Variants in C1orf21 observed in about 807,000 individuals in gnomAD.
The protein encoded by C1orf21 is chromosome 1 open reading frame 21.
Under a neutral mutation model 18.7 loss-of-function variants are expected in C1orf21, and 3 were observed. The observed-to-expected ratio is 0.16, with a 90% confidence interval of 0.07 to 0.42. The LOEUF is 0.42. Ranked by LOEUF, C1orf21 falls within the 10% of genes least tolerant of loss-of-function variation. The probability of loss-of-function intolerance (pLI) is 0.99; values close to 1 mark genes in which losing one functional copy is unlikely to be tolerated. For missense variants in C1orf21, 104 were observed against 143.6 expected (o/e 0.72, Z 1.41); for synonymous variants, 41 against 46.4 (o/e 0.88, Z 0.47).
rs1279351954 is a variant in C1orf21, at chr1:184,621,154, C to A, written c.*1598C>A. On this transcript the variant is annotated 3_prime_UTR_variant, in exon 6 of 6. Transcript: ENST00000235307. ...GATTTTAAAATCTATCCACATCCAA[C>A]TGATGGCACCATTGATGTGCAAATA... 2.0e-5 allele frequency: 3 copies of A among 152,452 alleles called. No homozygotes were observed. The highest frequency in any genetic ancestry group is 6.5e-5 in the Admixed American group (1 of 15,290). The allele number at this position is 152,452 out of a possible 1,614,324, so 9.4% of individuals were successfully genotyped here. A position where few individuals can be genotyped will look rare whatever the true frequency, so the allele number is the denominator to read the frequency against.
At position 184,590,719 on chromosome 1, in the gene C1orf21, T is replaced by C; in HGVS notation, c.190-20T>C. On this transcript the variant is annotated intron_variant, in intron 3 of 5. Transcript: ENST00000235307. ...GGATTCTAATCCTGTCTTTCACATG[T>C]CTGTGTTTATGTGTTTCAGGAAAAA... The C allele has an allele frequency of 6.3e-7, 1 of 1,594,366 alleles. No individual in the cohort carries two copies. Among genetic ancestry groups the C allele is most frequent in the Non-Finnish European group, 8.6e-7 (1 of 1,162,102 alleles).
At chr1:184,578,191 C>T (rs200485747) in intron 3 of C1orf21, among the ~76,000 whole-genome samples, 38 of 151,982 alleles carry the variant, frequency 2.5e-4, no homozygotes, top group African/African-American at 6.3e-4. Flanking sequence ...CTCCTGACCT[C>T]GTGATCCACC....
At chr1:184,451,709 G>C (rs1657126097) in intron 1 of C1orf21, among the ~76,000 whole-genome samples, 1 of 152,000 alleles carries the variant, frequency 6.6e-6, no homozygotes, top group Non-Finnish European at 1.5e-5. Context: ...ACTTAGGCAT[G>C]GTTGCCTGGA....
intron 4 of C1orf21, among the ~76,000 whole-genome samples, chr1:184,592,760 C>G (rs1343042368): frequency 6.6e-6 from 1 of 152,208 alleles, no homozygotes; most frequent in Non-Finnish European, 1.5e-5. Flanking sequence ...CTCATAATCA[C>G]TTTACCCTGG....
Position 184,477,483 on chromosome 1 carries a change from C to T in C1orf21, c.-27C>T, listed in dbSNP as rs367636937. On this transcript the variant is annotated 5_prime_UTR_variant, in exon 2 of 6. Transcript: ENST00000235307. The stretch of plus-strand genomic sequence containing the variant: ...TCTGTAGAGATGATTTGCAGTTCAG[C>T]CCGGCTGAAGCTGACCGAATGAGAC... 1 of 1,596,726 alleles carries T rather than the reference C, an allele frequency of 6.3e-7. No individual in the cohort carries two copies. Among genetic ancestry groups the T allele is most frequent in the African/African-American group, 1.3e-5 (1 of 74,276 alleles).
At chr1:184,469,547 C>G (rs146316943) in intron 1 of C1orf21, among the ~76,000 whole-genome samples, 194 of 152,252 alleles carry the variant, frequency 1.3e-3, no homozygotes, top group African/African-American at 4.6e-3. Flanking sequence ...TCTTTTTTGT[C>G]ATCTGGCACC....
intron 1 of C1orf21, among the ~76,000 whole-genome samples, chr1:184,395,860 C>A (rs899530349): frequency 7.2e-5 from 11 of 152,164 alleles, no homozygotes; most frequent in Non-Finnish European, 1.0e-4. Flanking sequence ...TTTGGACTGA[C>A]ACTTGAAAGC....
chr1:184,405,385 A>G (rs1238567176), intron 1 of C1orf21, among the ~76,000 whole-genome samples: 1 of 151,960 alleles, frequency 6.6e-6, no homozygotes, highest in East Asian at 1.9e-4. Flanking sequence ...TTGGAGAGAC[A>G]GGGTTTCACT....
chr1:184,473,581 G>A (rs1269083732), intron 1 of C1orf21, among the ~76,000 whole-genome samples: 1 of 152,190 alleles, frequency 6.6e-6, no homozygotes, highest in Non-Finnish European at 1.5e-5. Context: ...TGCTCAGTGT[G>A]AGGTCTCAGT....
intron 1 of C1orf21, among the ~76,000 whole-genome samples, chr1:184,393,641 T>A (rs1335152438): frequency 6.6e-6 from 1 of 152,250 alleles, no homozygotes; most frequent in Non-Finnish European, 1.5e-5. Context: ...TCTTAGCTAT[T>A]ACATTCTCCA....
At chr1:184,571,478 G>A (rs1345141036) in intron 3 of C1orf21, among the ~76,000 whole-genome samples, 2 of 152,146 alleles carry the variant, frequency 1.3e-5, no homozygotes, top group East Asian at 3.9e-4. Context: ...TGGTCAACTT[G>A]AATGACCGTT....
At chr1:184,419,123 G>A (rs1261280555) in intron 1 of C1orf21, among the ~76,000 whole-genome samples, 7 of 151,958 alleles carry the variant, frequency 4.6e-5, no homozygotes, top group Non-Finnish European at 1.0e-4. Context: ...AAACAGCCCC[G>A]GATCTACAGA....
intron 3 of C1orf21, among the ~76,000 whole-genome samples, chr1:184,520,263 C>A (rs530087846): frequency 1.3e-5 from 2 of 152,304 alleles, no homozygotes; most frequent in South Asian, 4.1e-4. Context: ...CATTTACTGG[C>A]AAACTTCTGC....
At chr1:184,563,152 T>C (rs1006559794) in intron 3 of C1orf21, among the ~76,000 whole-genome samples, 6 of 152,204 alleles carry the variant, frequency 3.9e-5, no homozygotes, top group Non-Finnish European at 8.8e-5. Flanking sequence ...GAGATTCTGT[T>C]AACTACTATG....
intron 5 of C1orf21, among the ~76,000 whole-genome samples, chr1:184,609,547 A>G (rs1659697818): frequency 6.6e-6 from 1 of 152,214 alleles, no homozygotes; most frequent in Non-Finnish European, 1.5e-5. Flanking sequence ...GAGGTGTGTG[A>G]GGCTCCAGTC....
At position 184,553,665 on chromosome 1, in the gene C1orf21, A is replaced by C. The variant is rs776585049; in HGVS notation, c.190-37074A>C. ...TCAGCATCATGTTCTGCTGAGACCC[A>C]AAGATCCAGGAGCAGCTTAGAGCTG... On this transcript the variant is annotated intron_variant, in intron 3 of 5. Transcript: ENST00000235307. Among the ~76,000 whole-genome samples, 7 of 152,210 alleles carry C rather than the reference A, an allele frequency of 4.6e-5. No homozygotes were observed. The South Asian group carries it at 8.3e-4, about 18-fold the overall frequency.
chr1:184,553,041 G>T (rs1222433799), intron 3 of C1orf21, among the ~76,000 whole-genome samples: 1 of 152,144 alleles, frequency 6.6e-6, no homozygotes, highest in Non-Finnish European at 1.5e-5. Context: ...ACTCCTGGTG[G>T]TCATAATAGG....
Position 184,444,358 on chromosome 1 carries a change from A to G in C1orf21, c.-124-33028A>G, listed in dbSNP as rs558785485. 5.3e-5 allele frequency among the ~76,000 whole-genome samples: 8 copies of G among 152,244 alleles called. No homozygotes were observed. In the East Asian group the frequency reaches 1.4e-3, roughly 26 times the overall value. On this transcript the variant is annotated intron_variant, in intron 1 of 5. Coordinates refer to ENST00000235307, the MANE Select transcript of C1orf21 (RefSeq NM_030806.4). ...GGGAGATAATTTGAATCATGGGGTC[A>G]GTTTCCACCGTACTGTTCTTGTGGT...
intron 1 of C1orf21, among the ~76,000 whole-genome samples, chr1:184,472,674 C>T (rs1267816188): frequency 1.3e-5 from 2 of 150,512 alleles, no homozygotes; most frequent in South Asian, 4.2e-4. Flanking sequence ...TTAATGAAAC[C>T]TTGTTTCTAG....
Sources: gnomAD v4.1 joint callset for allele counts (sites outside exome capture counted in the v4.1 genomes callset) on GRCh38, gnomAD v4.1.1 for gene constraint, MANE v1.5 for transcripts, NCBI Gene and HGNC (gene_info 2026-07-23, HGNC 2026-07-21) for gene names.